The following MED12L variants were observed in gnomAD, a reference collection of about 807,000 sequenced individuals.
MED12L encodes the protein mediator of RNA polymerase II transcription subunit 12-like protein.
A neutral mutation model predicts 281.3 loss-of-function variants in MED12L; 60 were observed. That is an observed-to-expected ratio of 0.21 (90% CI 0.17 to 0.26). MED12L has a LOEUF of 0.26. Ranked by LOEUF, MED12L falls within the 10% of genes least tolerant of loss-of-function variation. The pLI, the probability that MED12L is intolerant of heterozygous loss-of-function variation, is 1.00. For missense variants in MED12L, 2,146 were observed against 2,680.9 expected (o/e 0.80, Z 4.41); for synonymous variants, 974 against 987.2 (o/e 0.99, Z 0.25).
chr3:151,352,562 G>A (rs114168381), intron 17 of MED12L, among the ~76,000 whole-genome samples: 406 of 152,252 alleles, frequency 2.7e-3, no homozygotes, highest in African/African-American at 9.1e-3. Context: ...AGCAACATGA[G>A]TACTGGTAAG....
chr3:151,113,650 A>C (rs1712276336), intron 2 of MED12L, among the ~76,000 whole-genome samples: 1 of 152,218 alleles, frequency 6.6e-6, no homozygotes, highest in Non-Finnish European at 1.5e-5. Context: ...TTAGAATGCA[A>C]AGTTTAAACT....
At chr3:151,229,201 A>G (rs1360046693) in intron 16 of MED12L, among the ~76,000 whole-genome samples, 1 of 152,168 alleles carries the variant, frequency 6.6e-6, no homozygotes, top group Non-Finnish European at 1.5e-5. Context: ...TCTCTAACCC[A>G]AAGTGTTGTA....
At chr3:151,089,157 G>A (rs1719683587) in intron 2 of MED12L, among the ~76,000 whole-genome samples, 1 of 152,046 alleles carries the variant, frequency 6.6e-6, no homozygotes, top group South Asian at 2.1e-4. Context: ...AGTACTACAC[G>A]TGGAGTCATG....
At chr3:151,396,236 A>G (rs1461445720) in intron 39 of MED12L, among the ~76,000 whole-genome samples, 3 of 152,232 alleles carry the variant, frequency 2.0e-5, no homozygotes, top group African/African-American at 4.8e-5. Flanking sequence ...CAGCAAAAAT[A>G]GAGTTATACT....
chr3:151,105,250 G>A (rs1721866106), intron 2 of MED12L, among the ~76,000 whole-genome samples: 1 of 151,934 alleles, frequency 6.6e-6, no homozygotes, highest in Non-Finnish European at 1.5e-5. Flanking sequence ...TTCCTTCATC[G>A]CCTTCTTCCT....
At chr3:151,313,253 C>A (rs990647291) in intron 16 of MED12L, among the ~76,000 whole-genome samples, 4 of 152,074 alleles carry the variant, frequency 2.6e-5, no homozygotes, top group Non-Finnish European at 4.4e-5. Context: ...GGGAAAACTA[C>A]CAAGTTAAAA....
At position 151,191,762 on chromosome 3, in the gene MED12L, C is replaced by T. The variant is rs548406437; in HGVS notation, c.1969-788C>T. 1.4e-3 allele frequency among the ~76,000 whole-genome samples: 218 copies of T among 152,132 alleles called. No individual in the cohort carries two copies. The South Asian group carries it at 0.015, about 11-fold the overall frequency. ...TCTGTACCAAAAATACAAAATTAGC[C>T]GGGCGTGGTGGCACATGCCTGTAGT... is the stretch of plus-strand genomic sequence containing the variant. On this transcript the variant is annotated intron_variant, in intron 14 of 44. Transcript: ENST00000687756.
chr3:151,239,947 C>T (rs1733738950), intron 16 of MED12L, among the ~76,000 whole-genome samples: 1 of 152,098 alleles, frequency 6.6e-6, no homozygotes, highest in Non-Finnish European at 1.5e-5. Flanking sequence ...ACATATCTTT[C>T]ACTTTGTTTT....
chr3:151,181,761 T>C (rs1722730611), intron 11 of MED12L, among the ~76,000 whole-genome samples: 1 of 151,882 alleles, frequency 6.6e-6, no homozygotes, highest in Non-Finnish European at 1.5e-5. Context: ...AATTTTTGTA[T>C]TTTTAGTAGA....
At chr3:151,369,409 A>G (rs1434016142) in intron 25 of MED12L, 27 bp from the exon 26 acceptor site, 5 of 1,441,248 alleles carry the variant, frequency 3.5e-6, no homozygotes, top group Non-Finnish European at 4.8e-6. Flanking sequence ...TGGTAATGAG[A>G]CTATTAAAGA....
intron 16 of MED12L, among the ~76,000 whole-genome samples, chr3:151,242,062 C>A (rs538090184): frequency 1.3e-5 from 2 of 152,190 alleles, no homozygotes; most frequent in Non-Finnish European, 2.9e-5. Flanking sequence ...TGCGCTTTTC[C>A]GACGGGCTTA....
intron 2 of MED12L, among the ~76,000 whole-genome samples, chr3:151,087,231 C>T (rs1003812733): frequency 1.1e-4 from 16 of 152,232 alleles, no homozygotes; most frequent in Admixed American, 8.5e-4. Context: ...CACTGGGGCG[C>T]TCGCTTTCCA....
intron 2 of MED12L, among the ~76,000 whole-genome samples, chr3:151,097,001 G>A (rs1048070628): frequency 6.6e-6 from 1 of 152,204 alleles, no homozygotes; most frequent in Non-Finnish European, 1.5e-5. Flanking sequence ...CCTGGGCAGG[G>A]GGAAGAATGC....
intron 43 of MED12L, among the ~76,000 whole-genome samples, chr3:151,422,819 CTTTTT>C (rs34923048): frequency 2.3e-5 from 3 of 131,018 alleles, no homozygotes; most frequent in Admixed American, 7.7e-5. Context: ...TGATTCATTG[CTTTTT>C]TTTTTTTTTT....
In MED12L at chr3:151,394,863, A is replaced by G; in HGVS notation, c.5816A>G (p.Gln1939Arg). 1.9e-6 allele frequency: 3 copies of G among 1,613,936 alleles called. No individual in the cohort carries two copies. The highest frequency in any genetic ancestry group is 2.5e-6 in the Non-Finnish European group (3 of 1,180,026). ...LLRQAQTRPF[Q>R]QGQPGDQAAL... ...AGGCAAGCCCAGACTCGGCCTTTCC[A>G]ACAGGTTTGTCCAGACCCCAGCAAT... Residue 1939 changes from glutamine to arginine, a missense_variant, in exon 39 of 45, where the codon CAA becomes CGA. Physicochemically the swap from Gln to Arg is conservative, Grantham distance 43. Transcript: ENST00000687756.
chr3:151,432,699 CTG>C, intron 44 of MED12L, 51 bp from the exon 45 acceptor site: 1 of 1,333,262 alleles, frequency 7.5e-7, no homozygotes, highest in South Asian at 1.2e-5. Context: ...TAGCATCCAT[CTG>C]TGCAATAGTT....
intron 5 of MED12L, among the ~76,000 whole-genome samples, chr3:151,152,085 GTTTTTTTTTTTTTTTTT>G (rs141353889): frequency 0.016 from 1,026 of 63,116 alleles, 52 homozygotes; most frequent in South Asian, 0.043. Flanking sequence ...GTTGAAGGTG[GTTTTTTTTTTTTTTTTT>G]TTTTTTTTTT....
chr3:151,156,768 G>GGC (rs1363214727), intron 6 of MED12L, among the ~76,000 whole-genome samples: 1 of 152,052 alleles, frequency 6.6e-6, no homozygotes, highest in Non-Finnish European at 1.5e-5. Context: ...GAGGGGTAAG[G>GGC]GCGTTTAGGA....
rs1358587599 is a variant in MED12L, at chr3:151,244,446, A to C, written c.2250+50780A>C. 2.8e-5 allele frequency among the ~76,000 whole-genome samples: 4 copies of C among 142,672 alleles called. No individual in the cohort carries two copies. The South Asian group carries it at 9.9e-4, about 35-fold the overall frequency. 93.6% of individuals were successfully genotyped at this position (142,672 alleles called of 152,430 possible). A position where few individuals can be genotyped will look rare whatever the true frequency, so the allele number is the denominator to read the frequency against. ...CAGACCACAGTGCAATCAAACTAGA[A>C]CTCAGGATTAAGAATCTCACTCAAA... On this transcript the variant is annotated intron_variant, in intron 16 of 44. Coordinates refer to ENST00000687756, the MANE Select transcript of MED12L (RefSeq NM_001393769.1).
Sources: allele counts gnomAD v4.1 joint callset (sites outside exome capture counted in the v4.1 genomes callset), GRCh38; gene constraint gnomAD v4.1.1; transcripts MANE v1.5; gene names NCBI Gene and HGNC (gene_info 2026-07-23, HGNC 2026-07-21).